USP48: variants seen among roughly 807,000 people sequenced by gnomAD.
USP48 encodes ubiquitin specific peptidase 48.
A neutral mutation model predicts 150.7 loss-of-function variants in USP48; 43 were observed. That is an observed-to-expected ratio of 0.29 (90% CI 0.22 to 0.37). USP48 has a LOEUF of 0.37. USP48 is among the 10% of genes least tolerant of loss of function. The pLI, the probability that USP48 is intolerant of heterozygous loss-of-function variation, is 1.00. For missense variants in USP48, 813 were observed against 1,249.6 expected, an observed-to-expected ratio of 0.65 and a Z score of 5.27; for synonymous variants, 396 against 425.9, an observed-to-expected ratio of 0.93 and a Z score of 0.86.
At position 21,760,624 on chromosome 1, in the gene USP48, GA is replaced by G. The variant is rs2097847629; in HGVS notation, c.135-2842del. ...AGCTACCCAGGAGGCTGAGGCAGGA[GA>G]AATCACTTGAAACTGGAAGGCGGGA... On this transcript the variant is annotated intron_variant, in intron 1 of 26. Transcript: ENST00000308271. Among the ~76,000 whole-genome samples the G allele has an allele frequency of 2.0e-5, 3 of 152,186 alleles. No individual in the cohort carries two copies. The South Asian group carries it at 6.2e-4, about 32-fold the overall frequency.
chr1:21,746,086 T>C (rs555636880), intron 8 of USP48, among the ~76,000 whole-genome samples: 2 of 152,320 alleles, frequency 1.3e-5, no homozygotes, highest in East Asian at 3.9e-4. Flanking sequence ...CTTGCTTCCA[T>C]TGTAAGCTGC....
intron 15 of USP48, among the ~76,000 whole-genome samples, chr1:21,713,256 G>C (rs1220090582): frequency 1.3e-5 from 2 of 151,938 alleles, no homozygotes; most frequent in African/African-American, 4.8e-5. Flanking sequence ...TGATGCATAC[G>C]ATCACCACCC....
intron 23 of USP48, among the ~76,000 whole-genome samples, chr1:21,690,789 G>A (rs1267305173): frequency 6.6e-6 from 1 of 152,018 alleles, no homozygotes; most frequent in East Asian, 1.9e-4. Context: ...TTAGCCTCCC[G>A]AAGTGCAGAG....
At chr1:21,757,567 G>T in intron 2 of USP48, 96 bp downstream of exon 2, 1 of 1,396,336 alleles carries the variant, frequency 7.2e-7, no homozygotes, top group Non-Finnish European at 9.6e-7. Flanking sequence ...CAGGTTACCT[G>T]AAATCAGTAG....
At position 21,782,853 on chromosome 1, in the gene USP48, C is replaced by A; in HGVS notation, c.105G>T (p.Trp35Cys). Residue 35 changes from tryptophan (W) to cysteine (C), a missense_variant, in exon 1 of 27, where the codon TGG (tryptophan) becomes TGT (cysteine). Trp to Cys is a radical substitution (Grantham distance 215, BLOSUM62 -2). Transcript: ENST00000308271. ...QEHIETAYRIWLEPCIRGVCR... is the reference protein window; with the variant it reads ...QEHIETAYRICLEPCIRGVCR... ...ACACGCCGCGAATGCAGGGCTCCAG[C>A]CAGATGCGGTAAGCGGTCTCGATGT... 6.4e-7 allele frequency: 1 copy of A among 1,560,618 alleles called. No homozygotes were observed. The highest frequency in any genetic ancestry group is 2.4e-5 in the East Asian group (1 of 41,430).
chr1:21,753,289 T>C (rs535567004), intron 3 of USP48, among the ~76,000 whole-genome samples, 170 bp from the exon 4 acceptor site: 1 of 150,196 alleles, frequency 6.7e-6, no homozygotes, highest in East Asian at 2.0e-4. Context: ...CGGTGGCTCA[T>C]GCCTGTAACC....
chr1:21,736,942 C>G (rs147617456), intron 8 of USP48, among the ~76,000 whole-genome samples: 79 of 152,272 alleles, frequency 5.2e-4, no homozygotes, highest in Middle Eastern at 3.4e-3. Context: ...CACACACTAG[C>G]GAGGCCACAC....
chr1:21,732,744 C>T (rs1417388190), intron 9 of USP48: 1 of 307,302 alleles, frequency 3.3e-6, no homozygotes, highest in Non-Finnish European at 6.3e-6. Context: ...GTTAAAAATG[C>T]CTACTATAAA....
intron 23 of USP48, among the ~76,000 whole-genome samples, chr1:21,692,787 A>C (rs559264067): frequency 6.6e-6 from 1 of 152,202 alleles, no homozygotes; most frequent in African/African-American, 2.4e-5. Context: ...CAGTTCCATG[A>C]AAGGGGCCAA....
At chr1:21,741,739 G>A (rs550744980) in intron 8 of USP48, among the ~76,000 whole-genome samples, 298 of 152,336 alleles carry the variant, frequency 2.0e-3, no homozygotes, top group Non-Finnish European at 3.2e-3. Context: ...GACTTTGTGA[G>A]CCGAGGCAAG....
At chr1:21,769,768 T>G (rs554432437) in intron 1 of USP48, among the ~76,000 whole-genome samples, 1 of 152,056 alleles carries the variant, frequency 6.6e-6, no homozygotes, top group Non-Finnish European at 1.5e-5. Flanking sequence ...TCTCAGCTAC[T>G]GGGGAAGCTG....
chr1:21,755,597 T>C (rs555704866), intron 3 of USP48, among the ~76,000 whole-genome samples: 7 of 151,970 alleles, frequency 4.6e-5, no homozygotes, highest in Non-Finnish European at 8.8e-5. Context: ...GTTCAAATTA[T>C]TGTGTAGCTT....
rs1281610503 is a variant in USP48, at chr1:21,757,702, A to G, written c.216T>C (p.Phe72=). Residue 72 remains phenylalanine (F), a synonymous_variant, in exon 2 of 27, where the codon TTT becomes TTC. Transcript: ENST00000308271. ...IWLGEIDENS[F]HNIDDPNCER... is the part of the protein sequence containing the mutation. ...CACAGTTGGGATCATCGATGTTATGAAAACTATTTTCATCTATTTCTCCTA... is the reference window on the plus strand; with the variant it reads ...CACAGTTGGGATCATCGATGTTATGGAAACTATTTTCATCTATTTCTCCTA... The G allele has an allele frequency of 1.9e-6, 3 of 1,613,278 alleles. No homozygotes were observed. In the South Asian group the frequency reaches 3.3e-5, roughly 18 times the overall value.
chr1:21,740,292 G>A (rs1412600961), intron 8 of USP48, among the ~76,000 whole-genome samples: 1 of 152,200 alleles, frequency 6.6e-6, no homozygotes, highest in Non-Finnish European at 1.5e-5. Context: ...ACATGATAGA[G>A]TATCCTTTCC....
chr1:21,743,922 G>A (rs1221378399), intron 8 of USP48, among the ~76,000 whole-genome samples: 7 of 152,278 alleles, frequency 4.6e-5, no homozygotes, highest in South Asian at 4.1e-4. Flanking sequence ...AGGGCTGAGC[G>A]AGGGTGGAAG....
At chr1:21,727,517 C>T (rs1176604973) in intron 11 of USP48, among the ~76,000 whole-genome samples, 1 of 152,198 alleles carries the variant, frequency 6.6e-6, no homozygotes, top group African/African-American at 2.4e-5. Flanking sequence ...AAGTCCCTTT[C>T]TCTTGCCCAG....
chr1:21,751,974 C>T (rs185535178), intron 5 of USP48, among the ~76,000 whole-genome samples: 1 of 147,158 alleles, frequency 6.8e-6, no homozygotes, highest in African/African-American at 2.5e-5. Context: ...GCCAAGATCA[C>T]GCCACTGCAC....
Position 21,748,153 on chromosome 1 carries a change from C to T in USP48, c.893G>A (p.Arg298His), listed in dbSNP as rs771915031. ...ACACATTTACCTGTCAAAGACAAAA[C>T]GCATTAGCTGCAAGTTCAGAGTGCA... ...LPCTLNLQLM[R>H]FVFDRQTGHK... Residue 298 changes from arginine to histidine, a missense_variant, in exon 7 of 27, where the codon CGT becomes CAT. Transcript: ENST00000308271. 6.2e-6 allele frequency: 10 copies of T among 1,613,234 alleles called. No homozygotes were observed. Among genetic ancestry groups the T allele is most frequent in the South Asian group, 4.4e-5 (4 of 90,866 alleles).
chr1:21,772,977 C>T (rs189711569), intron 1 of USP48, among the ~76,000 whole-genome samples: 19 of 148,560 alleles, frequency 1.3e-4, no homozygotes, highest in Admixed American at 2.0e-4. Flanking sequence ...AAGAAATATT[C>T]GGCCGGGCGT....
Sources: allele counts gnomAD v4.1 joint callset (sites outside exome capture counted in the v4.1 genomes callset), GRCh38; gene constraint gnomAD v4.1.1; transcripts MANE v1.5; gene names NCBI Gene and HGNC (gene_info 2026-07-23, HGNC 2026-07-21).